The following RFX1 variants were observed in gnomAD, a reference collection of about 807,000 sequenced individuals.
RFX1 encodes the protein MHC class II regulatory factor RFX1.
Under a neutral mutation model 119.6 loss-of-function variants are expected in RFX1, and 42 were observed. That is an observed-to-expected ratio of 0.35 (90% CI 0.27 to 0.45). The LOEUF (loss-of-function observed/expected upper bound fraction) is 0.45, where lower values mean the gene tolerates loss of function less well. Among genes scored for constraint, RFX1 ranks in the 20% least tolerant of loss-of-function variants. The pLI is 1.00. For synonymous variants in RFX1, 628 were observed against 618.5 expected (o/e 1.02, Z -0.23); for missense variants, 1,118 against 1,368.1 (o/e 0.82, Z 2.88).
Position 13,981,349 on chromosome 19 carries a change from A to C in RFX1, c.622-660T>G, listed in dbSNP as rs182136988. Among the ~76,000 whole-genome samples, 9 of 152,278 alleles carry C rather than the reference A, an allele frequency of 5.9e-5. No homozygotes were observed. The East Asian group carries it at 1.7e-3, about 29-fold the overall frequency. On this transcript the variant is annotated intron_variant, in intron 5 of 20. Coordinates refer to ENST00000254325, the MANE Select transcript of RFX1 (RefSeq NM_002918.5). ...GGTGGCTCACGCCTGTAATCCCAGC[A>C]CTTTGGAAGGCTGAGGTGGGCAGAT...
chr19:13,981,324 G>C (rs991884569), intron 5 of RFX1, among the ~76,000 whole-genome samples: 1 of 152,228 alleles, frequency 6.6e-6, no homozygotes, highest in African/African-American at 2.4e-5. Context: ...GGCCGGGCAT[G>C]GTGGCTCACG....
Position 13,969,947 on chromosome 19 carries a change from G to C in RFX1, c.1496+47C>G. 1 of 1,538,322 alleles carries C rather than the reference G, an allele frequency of 6.5e-7. No homozygotes were observed. Among genetic ancestry groups the C allele is most frequent in the Non-Finnish European group, 8.8e-7 (1 of 1,134,716 alleles). The stretch of plus-strand genomic sequence containing the variant: ...TCGGAGTGGGGGTGGGCCTTGGCAT[G>C]CCCACCAATTCCCCAGGGACTGCTG... On this transcript the variant is annotated intron_variant, in intron 10 of 20. Coordinates refer to ENST00000254325, the MANE Select transcript of RFX1 (RefSeq NM_002918.5). This position sits in a 1 kb window ranked among gnomAD's most constrained non-coding sequence, Gnocchi z 4.5.
At chr19:13,991,541 G>A (rs1030661261) in intron 2 of RFX1, among the ~76,000 whole-genome samples, 2 of 152,084 alleles carry the variant, frequency 1.3e-5, no homozygotes, top group Admixed American at 6.6e-5. Flanking sequence ...GCATGTTCCC[G>A]CCCCAAACCT....
Position 13,990,824 on chromosome 19 carries a change from A to G in RFX1, c.319+2701T>C, listed in dbSNP as rs1201503549. Among the ~76,000 whole-genome samples, 1 of 152,040 alleles carries G rather than the reference A, an allele frequency of 6.6e-6. No homozygotes were observed. The highest frequency in any genetic ancestry group is 2.4e-5 in the African/African-American group (1 of 41,488). The stretch of plus-strand genomic sequence containing the variant: ...AGAGCGAGACTTTGTCTCAAAGAAA[A>G]AAAAAAAAATTACCTGGGTGTGGTG... On this transcript the variant is annotated intron_variant, in intron 2 of 20. Coordinates refer to ENST00000254325, the MANE Select transcript of RFX1 (RefSeq NM_002918.5). The surrounding 1 kb of genome is among the most constrained non-coding windows in gnomAD (Gnocchi z 4.1).
chr19:13,986,334 A>C lies in RFX1; in HGVS notation c.320-2739T>G, dbSNP rs1266685372. 2.0e-5 allele frequency among the ~76,000 whole-genome samples: 3 copies of C among 152,150 alleles called. No homozygotes were observed. Among genetic ancestry groups the C allele is most frequent in the African/African-American group, 7.2e-5 (3 of 41,438 alleles). On this transcript the variant is annotated intron_variant, in intron 2 of 20. Transcript: ENST00000254325. This position sits in a 1 kb window ranked among gnomAD's most constrained non-coding sequence, Gnocchi z 4.2. ...CTGAGACCAGGTGGCTGTCTCCAGG[A>C]AGCAGCCTTGCCCGTCTCCTGCCTC...
intron 9 of RFX1, among the ~76,000 whole-genome samples, chr19:13,971,445 C>T (rs1974075882): frequency 6.6e-6 from 1 of 152,018 alleles, no homozygotes; most frequent in Admixed American, 6.6e-5. Context: ...ACACAAATGT[C>T]GAAGGGCCCG....
chr19:13,996,478 A>G (rs999631215), intron 1 of RFX1, among the ~76,000 whole-genome samples: 2 of 152,150 alleles, frequency 1.3e-5, no homozygotes, highest in African/African-American at 2.4e-5. Context: ...GTAAAAAACA[A>G]CTGCTGTTGG....
chr19:13,963,343 TGCGATGCGCCCGGGCCTC>T, intron 18 of RFX1, 68 bp from the exon 19 acceptor site: 9 of 1,531,464 alleles, frequency 5.9e-6, no homozygotes, highest in African/African-American at 1.4e-5. Context: ...CCCTCCCCGC[TGCGATGCGCCCGGGCCTC>T]GCGCCAGCCC....
chr19:13,971,572 T>G (rs1974078647), intron 9 of RFX1, among the ~76,000 whole-genome samples: 1 of 152,186 alleles, frequency 6.6e-6, no homozygotes, highest in African/African-American at 2.4e-5. Context: ...AAGCTCCCCA[T>G]GGCAGTGCTG....
At chr19:13,993,407 C>A in intron 2 of RFX1, 118 bp downstream of exon 2, 1 of 996,508 alleles carries the variant, frequency 1.0e-6, no homozygotes, top group Non-Finnish European at 1.5e-6. Flanking sequence ...CTAGTGATAC[C>A]CCAAGTCCCA....
At chr19:13,995,133 G>A (rs556659333) in intron 1 of RFX1, among the ~76,000 whole-genome samples, 18 of 151,658 alleles carry the variant, frequency 1.2e-4, no homozygotes, top group African/African-American at 4.4e-4. Context: ...TAGATAGGGA[G>A]CTGAGGCTCA....
At chr19:14,005,363 G>GCCCA (rs1975337766) in intron 1 of RFX1, among the ~76,000 whole-genome samples, 1 of 152,238 alleles carries the variant, frequency 6.6e-6, no homozygotes, top group Non-Finnish European at 1.5e-5. Flanking sequence ...CCAGAGAGAA[G>GCCCA]GTGGCAGGTT....
chr19:14,000,153 T>A (rs1231186086), intron 1 of RFX1, among the ~76,000 whole-genome samples: 2 of 152,144 alleles, frequency 1.3e-5, no homozygotes, highest in African/African-American at 4.8e-5. Context: ...ATCCTCTATA[T>A]CCAATTCATT....
intron 1 of RFX1, among the ~76,000 whole-genome samples, chr19:13,994,719 ATGTG>A (rs35165719): frequency 0.02 from 2,550 of 125,910 alleles, 61 homozygotes; most frequent in African/African-American, 0.063. Context: ...CTAAATATAT[ATGTG>A]TGTGTGTGTG....
intron 4 of RFX1, among the ~76,000 whole-genome samples, chr19:13,982,810 G>A (rs535102534): frequency 4.6e-5 from 7 of 152,258 alleles, no homozygotes; most frequent in South Asian, 4.1e-4. Context: ...CTGATCAGTC[G>A]GAAACGGGTG....
In RFX1 at chr19:13,962,145, G is replaced by A. The variant is rs1479501254; in HGVS notation, c.*550C>T. The A allele has an allele frequency of 2.6e-5, 4 of 152,894 alleles. 1 individual carries two copies. The highest frequency in any genetic ancestry group is 1.3e-4 in the Admixed American group (2 of 15,352). The allele number at this position is 152,894 out of a possible 1,614,324, so 9.5% of individuals were successfully genotyped here. Reference sequence around the variant, plus strand: ...GAGGGCCCAGCGCTGGAGAAGATGCGACACCCACGGCTTTAATTGCACTTA... The same window carrying A: ...GAGGGCCCAGCGCTGGAGAAGATGCAACACCCACGGCTTTAATTGCACTTA... On this transcript the variant is annotated 3_prime_UTR_variant, in exon 21 of 21. Transcript: ENST00000254325.
intron 5 of RFX1, among the ~76,000 whole-genome samples, chr19:13,981,282 A>C (rs2145586701): frequency 6.6e-6 from 1 of 152,316 alleles, no homozygotes; most frequent in South Asian, 2.1e-4. Context: ...TGTTTGACAC[A>C]GAGAAAACTC....
rs901625935 is a variant in RFX1, at chr19:13,990,443, G to A, written c.319+3082C>T. 3.9e-5 allele frequency among the ~76,000 whole-genome samples: 6 copies of A among 152,096 alleles called. No homozygotes were observed. Among genetic ancestry groups the A allele is most frequent in the African/African-American group, 1.4e-4 (6 of 41,402 alleles). ...CACTTGTAATTCCAGCACTTTGGGA[G>A]GCTGAAGTGGGAGAATTGTTTGAGG... is the stretch of plus-strand genomic sequence containing the variant. On this transcript the variant is annotated intron_variant, in intron 2 of 20. Transcript: ENST00000254325. This position sits in a 1 kb window ranked among gnomAD's most constrained non-coding sequence, Gnocchi z 4.1.
intron 12 of RFX1, among the ~76,000 whole-genome samples, chr19:13,967,425 C>T (rs1973938717): frequency 6.6e-6 from 1 of 152,070 alleles, no homozygotes; most frequent in Admixed American, 6.6e-5. Flanking sequence ...ATTCCTCCCA[C>T]CTCGGCCTCC....
Sources: gnomAD v4.1 joint callset for allele counts (sites outside exome capture counted in the v4.1 genomes callset) on GRCh38, gnomAD v4.1.1 for gene constraint, Gnocchi (gnomAD v3.1) non-coding constraint, MANE v1.5 for transcripts, NCBI Gene and HGNC (gene_info 2026-07-23, HGNC 2026-07-21) for gene names.